LRP1B: variants seen among roughly 807,000 people sequenced by gnomAD.
The protein encoded by LRP1B is low-density lipoprotein receptor-related protein 1B.
In LRP1B, 217 loss-of-function variants were observed where a neutral mutation model predicts 556.6. The ratio of observed to expected loss-of-function variants is 0.39; its 90% confidence interval spans 0.35 to 0.44. LRP1B has a LOEUF of 0.44. Among genes scored for constraint, LRP1B ranks in the 20% least tolerant of loss-of-function variants. The pLI, the probability that LRP1B is intolerant of heterozygous loss-of-function variation, is 1.00. For missense variants in LRP1B, 5,053 were observed against 5,620.8 expected (o/e 0.90, Z 3.23); for synonymous variants, 2,047 against 1,865.8 (o/e 1.10, Z -2.50).
At chr2:142,070,584 C>T (rs541449634) in intron 1 of LRP1B, among the ~76,000 whole-genome samples, 9 of 152,004 alleles carry the variant, frequency 5.9e-5, no homozygotes, top group African/African-American at 1.9e-4. Flanking sequence ...AGGAAATTTG[C>T]AACTGTTAAG....
intron 35 of LRP1B, among the ~76,000 whole-genome samples, chr2:140,735,453 C>G (rs137970849): frequency 3.9e-4 from 60 of 152,242 alleles, no homozygotes; most frequent in African/African-American, 1.4e-3. Flanking sequence ...ATGGACACAG[C>G]TGAGCAGAGC....
rs751396734 is a variant in LRP1B, at chr2:140,702,451, C to A, written c.6126G>T (p.Pro2042=). 3.7e-6 allele frequency: 6 copies of A among 1,613,390 alleles called. No individual in the cohort carries two copies. The highest frequency in any genetic ancestry group is 3.3e-5 in the Admixed American group (2 of 59,866). ...CCTCATAGTCGATGGAGATGCCATT[C>A]GGCCATGCTATTCCCATGCTTACAA... ...VVLVSMGIAW[P]NGISIDYEEN... is the part of the protein sequence containing the mutation. Residue 2042 remains proline (P), a synonymous_variant, in exon 38 of 91, where the codon CCG becomes CCT. Coordinates refer to ENST00000389484, the MANE Select transcript of LRP1B (RefSeq NM_018557.3).
intron 1 of LRP1B, among the ~76,000 whole-genome samples, chr2:141,846,683 T>C (rs1347178828): frequency 6.6e-6 from 1 of 151,450 alleles, no homozygotes; most frequent in Admixed American, 6.6e-5. Context: ...TCAAGAATTA[T>C]TTAATGTCTG....
chr2:141,573,433 A>G (rs12477753), intron 2 of LRP1B, among the ~76,000 whole-genome samples: 43,068 of 152,072 alleles, frequency 0.28, 6,722 homozygotes, highest in East Asian at 0.6. Flanking sequence ...TTTCTGGTAC[A>G]CAGCTAAAGC....
At chr2:140,274,808 G>GAAGAA (rs1055693794) in intron 84 of LRP1B, among the ~76,000 whole-genome samples, 1 of 151,660 alleles carries the variant, frequency 6.6e-6, no homozygotes, top group Admixed American at 6.6e-5. Context: ...CTGGCTAAGA[G>GAAGAA]AGCTTATATT....
intron 2 of LRP1B, among the ~76,000 whole-genome samples, chr2:141,613,231 G>C (rs966082925): frequency 6.6e-6 from 1 of 151,772 alleles, no homozygotes; most frequent in Non-Finnish European, 1.5e-5. Context: ...TTTCTCTCTG[G>C]TAAGTACTTC....
chr2:141,807,113 T>C (rs1696190113), intron 2 of LRP1B, among the ~76,000 whole-genome samples: 1 of 152,092 alleles, frequency 6.6e-6, no homozygotes, highest in Non-Finnish European at 1.5e-5. Context: ...TATACATTCA[T>C]ATAAAATTAT....
At chr2:141,516,622 C>T (rs183208909) in intron 2 of LRP1B, among the ~76,000 whole-genome samples, 1 of 151,750 alleles carries the variant, frequency 6.6e-6, no homozygotes, top group African/African-American at 2.4e-5. Context: ...ACCACTGTAC[C>T]CCAGCCTGGG....
In LRP1B at chr2:140,323,929, CTTTTGTT is replaced by C. The variant is rs759660191; in HGVS notation, c.12471_12477del (p.Thr4158ValfsTer3). On this transcript the variant is annotated frameshift_variant, in exon 81 of 91. Coordinates refer to ENST00000389484, the MANE Select transcript of LRP1B (RefSeq NM_018557.3). LOFTEE classifies it high-confidence loss of function. Reference sequence around the variant, plus strand: ...TTATAACGATGAGATATCAAAACACCTTTTGTTTTATCAATATTTAAAGCTAAGTACT... The same window carrying C: ...TTATAACGATGAGATATCAAAACACCTTATCAATATTTAAAGCTAAGTACT... 1 of 1,580,236 alleles carries C rather than the reference CTTTTGTT, an allele frequency of 6.3e-7. No individual in the cohort carries two copies. Among genetic ancestry groups the C allele is most frequent in the Non-Finnish European group, 8.7e-7 (1 of 1,150,906 alleles).
intron 9 of LRP1B, among the ~76,000 whole-genome samples, chr2:141,057,019 A>T (rs1455925937): frequency 1.3e-5 from 2 of 151,828 alleles, no homozygotes; most frequent in East Asian, 3.9e-4. Context: ...AGAAAATCCT[A>T]TCGGCTCTAT....
chr2:141,067,504 C>T (rs1025143512), intron 7 of LRP1B, among the ~76,000 whole-genome samples: 11 of 151,958 alleles, frequency 7.2e-5, no homozygotes, highest in Non-Finnish European at 5.9e-5. Context: ...CTCCCACTGT[C>T]GGCTGGCTAT....
intron 2 of LRP1B, among the ~76,000 whole-genome samples, chr2:141,756,824 T>C (rs1467992158): frequency 3.3e-5 from 5 of 152,134 alleles, no homozygotes; most frequent in Admixed American, 2.0e-4. Flanking sequence ...GTATACCATC[T>C]AGGTTTGTGT....
intron 2 of LRP1B, among the ~76,000 whole-genome samples, chr2:141,638,190 G>T (rs541000008): frequency 6.6e-6 from 1 of 151,628 alleles, no homozygotes; most frequent in Non-Finnish European, 1.5e-5. Flanking sequence ...TTGTCTCAAA[G>T]AAAAAAAACT....
At chr2:141,737,644 T>A (rs1693536388) in intron 2 of LRP1B, among the ~76,000 whole-genome samples, 1 of 152,182 alleles carries the variant, frequency 6.6e-6, no homozygotes, top group African/African-American at 2.4e-5. Flanking sequence ...CTAAGGGGCA[T>A]GGGATTACAC....
chr2:142,017,955 C>CT (rs11431816), intron 1 of LRP1B, among the ~76,000 whole-genome samples: 118,546 of 147,222 alleles, frequency 0.81, 47,880 homozygotes, highest in Non-Finnish European at 0.85. Flanking sequence ...CTGACACGCT[C>CT]TTTTTTTTTT....
At chr2:141,764,458 A>G (rs1273867818) in intron 2 of LRP1B, among the ~76,000 whole-genome samples, 2 of 152,206 alleles carry the variant, frequency 1.3e-5, no homozygotes, top group Admixed American at 1.3e-4. Context: ...CTGGGATTAC[A>G]GGCGTGAGCC....
intron 7 of LRP1B, among the ~76,000 whole-genome samples, chr2:141,137,052 T>C (rs906641245): frequency 6.6e-6 from 1 of 151,928 alleles, no homozygotes. Flanking sequence ...AAGTCTATTA[T>C]GAATATCACA....
At chr2:141,992,060 C>T (rs757329018) in intron 1 of LRP1B, among the ~76,000 whole-genome samples, 25 of 152,052 alleles carry the variant, frequency 1.6e-4, no homozygotes, top group African/African-American at 5.3e-4. Context: ...CAGCCCACAG[C>T]GCATCCCTCT....
chr2:140,910,610 C>T (rs1694391744), intron 21 of LRP1B, among the ~76,000 whole-genome samples: 1 of 151,512 alleles, frequency 6.6e-6, no homozygotes, highest in Non-Finnish European at 1.5e-5. Flanking sequence ...TTAAAAAATA[C>T]AAGGGTTCTT....
Sources: gnomAD v4.1 joint callset for allele counts (sites outside exome capture counted in the v4.1 genomes callset) on GRCh38, gnomAD v4.1.1 for gene constraint, MANE v1.5 for transcripts, NCBI Gene and HGNC (gene_info 2026-07-23, HGNC 2026-07-21) for gene names.